ARMH4: variants seen among roughly 807,000 people sequenced by gnomAD.
ARMH4 encodes the protein armadillo like helical domain containing 4.
A neutral mutation model predicts 61.9 loss-of-function variants in ARMH4; 49 were observed. The ratio of observed to expected loss-of-function variants is 0.79; its 90% CI spans 0.63 to 1.00. The LOEUF (loss-of-function observed/expected upper bound fraction) is 1.00. Among genes scored for constraint, ARMH4 ranks in the 50% least tolerant of loss-of-function variants. ARMH4 has a pLI of 0.00. For synonymous variants in ARMH4, 368 were observed against 341.5 expected (o/e 1.08, Z -0.85); for missense variants, 934 against 930.0 (o/e 1.00, Z -0.06).
intron 4 of ARMH4, among the ~76,000 whole-genome samples, chr14:58,110,877 C>G (rs1214930992): frequency 2.6e-5 from 4 of 151,900 alleles, no homozygotes; most frequent in African/African-American, 9.7e-5. Context: ...GCACACACAC[C>G]ACGCCCAGCT....
chr14:58,056,993 C>T (rs2141208461), intron 5 of ARMH4, among the ~76,000 whole-genome samples: 2 of 152,276 alleles, frequency 1.3e-5, no homozygotes, highest in Admixed American at 1.3e-4. Context: ...ATACCCCAGA[C>T]ATCAACAATG....
chr14:58,009,071 G>A (rs1289091277), intron 6 of ARMH4, among the ~76,000 whole-genome samples: 2 of 152,178 alleles, frequency 1.3e-5, no homozygotes, highest in East Asian at 1.9e-4. Context: ...TACAGGAAGT[G>A]TCCTTCAATA....
intron 1 of ARMH4, chr14:58,141,653 A>C: frequency 2.5e-6 from 1 of 397,028 alleles, no homozygotes; most frequent in South Asian, 2.1e-5. Context: ...TACCCCAGGA[A>C]GAAGGTCAAA....
chr14:58,069,214 T>C (rs746558904), intron 5 of ARMH4, among the ~76,000 whole-genome samples: 3 of 152,168 alleles, frequency 2.0e-5, no homozygotes, highest in Admixed American at 6.5e-5. Context: ...ATAAGAAACA[T>C]TGTGATATCC....
At chr14:58,128,323 C>A (rs1162124103) in intron 4 of ARMH4, among the ~76,000 whole-genome samples, 1 of 152,076 alleles carries the variant, frequency 6.6e-6, no homozygotes, top group Non-Finnish European at 1.5e-5. Context: ...TCAACCTATA[C>A]AAAGATCATG....
intron 4 of ARMH4, among the ~76,000 whole-genome samples, chr14:58,128,524 T>C (rs1037409040): frequency 6.6e-6 from 1 of 152,142 alleles, no homozygotes; most frequent in South Asian, 2.1e-4. Context: ...AAGTCATACA[T>C]AGAAATCAAA....
chr14:58,031,896 A>C (rs1011984264), intron 5 of ARMH4, among the ~76,000 whole-genome samples: 1 of 152,162 alleles, frequency 6.6e-6, no homozygotes, highest in African/African-American at 2.4e-5. Context: ...ACATTTTGAA[A>C]GGCAGTCTGA....
chr14:58,050,904 C>T (rs1884116278), intron 5 of ARMH4, among the ~76,000 whole-genome samples: 1 of 151,908 alleles, frequency 6.6e-6, no homozygotes, highest in Non-Finnish European at 1.5e-5. Flanking sequence ...TAAACTCTTC[C>T]ACATCTTAAT....
At chr14:58,023,051 G>T (rs1882899426) in intron 5 of ARMH4, among the ~76,000 whole-genome samples, 1 of 152,170 alleles carries the variant, frequency 6.6e-6, no homozygotes, top group South Asian at 2.1e-4. Flanking sequence ...GACTATTTTT[G>T]CTGGATGAAG....
intron 5 of ARMH4, among the ~76,000 whole-genome samples, chr14:58,078,444 G>A (rs1885118551): frequency 6.6e-6 from 1 of 152,138 alleles, no homozygotes; most frequent in Non-Finnish European, 1.5e-5. Flanking sequence ...GTCTGTTATA[G>A]CACCTCTGCT....
At chr14:58,059,463 A>C (rs115718) in intron 5 of ARMH4, among the ~76,000 whole-genome samples, 95,871 of 152,136 alleles carry the variant, frequency 0.63, 30,896 homozygotes, top group African/African-American at 0.75. Context: ...GTGAGCTCTA[A>C]TTAAAGTCAA....
At chr14:58,129,441 C>T (rs1002026021) in intron 4 of ARMH4, among the ~76,000 whole-genome samples, 6 of 152,142 alleles carry the variant, frequency 3.9e-5, no homozygotes, top group African/African-American at 1.4e-4. Context: ...AACATATAAA[C>T]TCATCACAAA....
At chr14:58,073,696 C>T (rs778800009) in intron 5 of ARMH4, among the ~76,000 whole-genome samples, 2 of 152,196 alleles carry the variant, frequency 1.3e-5, no homozygotes, top group Non-Finnish European at 2.9e-5. Flanking sequence ...CTACTACTAG[C>T]TCAATGGAGT....
intron 5 of ARMH4, among the ~76,000 whole-genome samples, chr14:58,038,551 A>AC: frequency 8.9e-6 from 1 of 112,490 alleles, no homozygotes; most frequent in Non-Finnish European, 2.0e-5. Context: ...TTAAAGTATA[A>AC]TAAAAAAAAA....
At position 58,034,393 on chromosome 14, in the gene ARMH4, C is replaced by T. The variant is rs1194789637; in HGVS notation, c.2090-22243G>A. Reference sequence around the variant, plus strand: ...CCACCAGGCCTGCCCTAAAAGAGCTCCTGAAGGAAGCGCTAAACATGGAAA... The same window carrying T: ...CCACCAGGCCTGCCCTAAAAGAGCTTCTGAAGGAAGCGCTAAACATGGAAA... On this transcript the variant is annotated intron_variant, in intron 5 of 7. Transcript: ENST00000267485. Among the ~76,000 whole-genome samples the T allele has an allele frequency of 8.5e-5, 10 of 117,374 alleles. No individual in the cohort carries two copies. In the East Asian group the frequency reaches 2.4e-3, roughly 28 times the overall value. The allele number at this position is 117,374 out of a possible 152,430, so 77.0% of individuals were successfully genotyped here.
intron 1 of ARMH4, chr14:58,141,319 A>G: frequency 2.2e-6 from 1 of 444,980 alleles, no homozygotes; most frequent in Non-Finnish European, 4.5e-6. Context: ...CAAGACCATC[A>G]CCCTTGAGGT....
intron 4 of ARMH4, among the ~76,000 whole-genome samples, chr14:58,125,201 C>T (rs1886860301): frequency 6.6e-6 from 1 of 152,072 alleles, no homozygotes; most frequent in Admixed American, 6.6e-5. Context: ...TATAGAAGGA[C>T]CCCTAGTATG....
intron 5 of ARMH4, among the ~76,000 whole-genome samples, chr14:58,071,901 G>C (rs1054330394): frequency 6.6e-6 from 1 of 152,188 alleles, no homozygotes; most frequent in South Asian, 2.1e-4. Flanking sequence ...TGCGAATGTC[G>C]GATGGAGTAA....
intron 5 of ARMH4, among the ~76,000 whole-genome samples, chr14:58,043,999 T>C (rs915247383): frequency 1.3e-5 from 2 of 152,194 alleles, no homozygotes; most frequent in African/African-American, 2.4e-5. Flanking sequence ...TCCATGCTCA[T>C]GGATAGGAAG....
Sources: gnomAD v4.1 joint callset for allele counts (sites outside exome capture counted in the v4.1 genomes callset) on GRCh38, gnomAD v4.1.1 for gene constraint, MANE v1.5 for transcripts, NCBI Gene and HGNC (gene_info 2026-07-23, HGNC 2026-07-21) for gene names.